Variants in PCGF2 observed in about 807,000 individuals in gnomAD.
PCGF2 encodes the protein polycomb group RING finger protein 2.
PCGF2 carries 8 observed loss-of-function variants against 36.1 expected under a neutral mutation model. That is an observed-to-expected ratio of 0.22 (90% CI 0.13 to 0.40). The LOEUF (loss-of-function observed/expected upper bound fraction) is 0.40. Among genes scored for constraint, PCGF2 ranks in the 10% least tolerant of loss-of-function variants. The pLI, the probability that PCGF2 is intolerant of heterozygous loss-of-function variation, is 1.00. For missense variants in PCGF2, 436 were observed against 475.9 expected (o/e 0.92, Z 0.78); for synonymous variants, 198 against 191.2 (o/e 1.04, Z -0.29).
chr17:38,743,413 C>CCCACAG (rs1326536426), intron 2 of PCGF2, among the ~76,000 whole-genome samples: 2 of 148,072 alleles, frequency 1.4e-5, no homozygotes, highest in African/African-American at 2.5e-5. Context: ...TAAGAAGAAC[C>CCCACAG]CCACAGCCGA....
chr17:38,741,258 G>A lies in PCGF2; in HGVS notation c.-40-816C>T, dbSNP rs531610985. Among the ~76,000 whole-genome samples, 842 of 151,840 alleles carry A rather than the reference G, an allele frequency of 5.5e-3. 3 individuals are homozygous for A. The highest frequency in any genetic ancestry group is 9.9e-3 in the Non-Finnish European group (670 of 67,892). On this transcript the variant is annotated intron_variant, in intron 2 of 10. Coordinates refer to ENST00000620225, the MANE Select transcript of PCGF2 (RefSeq NM_007144.3). ...TGCACTCAAGCCTGGGCGACAGAGC[G>A]AGACTCTGTCTAAAAAAGAAAAACA...
At chr17:38,735,730 G>A in intron 10 of PCGF2, 130 bp from the exon 11 acceptor site, 2 of 1,243,624 alleles carry the variant, frequency 1.6e-6, no homozygotes, top group Non-Finnish European at 2.2e-6. Flanking sequence ...GGGCCTTGGA[G>A]AGGAGAGAGA....
At position 38,739,237 on chromosome 17, in the gene PCGF2, G is replaced by C; in HGVS notation, c.226C>G (p.Gln76Glu). Reference sequence around the variant, plus strand: ...GGGACCAATTTGTAGACAATGTCTTGAAGTGTTTTGTCAGACCTGGGGAAA... The same window carrying C: ...GGGACCAATTTGTAGACAATGTCTTCAAGTGTTTTGTCAGACCTGGGGAAA... The part of the protein sequence containing the change: ...LLSIRSDKTL[Q>E]DIVYKLVPGL... Residue 76 changes from glutamine (Q) to glutamate (E), a missense_variant, in exon 5 of 11, where the codon CAA becomes GAA. Physicochemically the swap from Gln to Glu is conservative, Grantham distance 29. Transcript: ENST00000620225. The surrounding 1 kb of genome is among the most constrained non-coding windows in gnomAD (Gnocchi z 4.0). The C allele has an allele frequency of 7.4e-6, 12 of 1,613,994 alleles. No individual in the cohort carries two copies. The highest frequency in any genetic ancestry group is 1.0e-5 in the Non-Finnish European group (12 of 1,179,956).
upstream of PCGF2, chr17:38,749,611 C>A: frequency 2.2e-6 from 1 of 455,696 alleles, no homozygotes; most frequent in Non-Finnish European, 4.4e-6. This position sits in a 1 kb window ranked among gnomAD's most constrained non-coding sequence, Gnocchi z 6.5. Context: ...CGCCATTAAG[C>A]GCACTGACGG....
In PCGF2 at chr17:38,740,290, C is replaced by G; in HGVS notation, c.112+1G>C. On this transcript the variant is annotated splice_donor_variant, in intron 3 of 10. Transcript: ENST00000620225. LOFTEE classifies it high-confidence loss of function. ...GAGCAGCTCCCCTCCCCCCAACTCA[C>G]AGGAATGCAGGCACTCCACGATAGT... is the stretch of plus-strand genomic sequence containing the variant. 6.2e-7 allele frequency: 1 copy of G among 1,612,124 alleles called. No homozygotes were observed. Among genetic ancestry groups the G allele is most frequent in the Non-Finnish European group, 8.5e-7 (1 of 1,178,202 alleles).
chr17:38,738,873 A>G lies in PCGF2; in HGVS notation c.317-12T>C, dbSNP rs1025660565. 5 of 1,610,320 alleles carry G rather than the reference A, an allele frequency of 3.1e-6. No individual in the cohort carries two copies. The East Asian group carries it at 1.1e-4, about 36-fold the overall frequency. On this transcript the variant is annotated splice_polypyrimidine_tract_variant and intron_variant, in intron 6 of 10. Coordinates refer to ENST00000620225, the MANE Select transcript of PCGF2 (RefSeq NM_007144.3). ...GGAGCCGTTGGGGACTGCAGAAGGA[A>G]AGAGCTCTCGGGTTGGCGGAGGATG...
At position 38,738,852 on chromosome 17, in the gene PCGF2, C is replaced by A. The variant is rs771238828; in HGVS notation, c.326G>T (p.Gly109Val). 7 of 1,613,358 alleles carry A rather than the reference C, an allele frequency of 4.3e-6. No homozygotes were observed. Among genetic ancestry groups the A allele is most frequent in the Non-Finnish European group, 5.9e-6 (7 of 1,179,546 alleles). The change falls in exon 7 of 11, where the codon GGC (glycine) becomes GTC (valine). Residue 109 changes from glycine to valine, a missense_variant. Around this residue, in one of 3 missense-constraint regions of PCGF2, gnomAD observed 189 missense variants for 219.3 expected, o/e 0.86. Transcript: ENST00000620225. ...AAYPLTEVPN[G>V]SNEDRGEVLE... ...GACCTCGCCGCGGTCCTCATTGGAG[C>A]CGTTGGGGACTGCAGAAGGAAAGAG... is the stretch of plus-strand genomic sequence containing the variant.
At chr17:38,747,064 G>A (rs542667571) in intron 2 of PCGF2, among the ~76,000 whole-genome samples, 1 of 152,128 alleles carries the variant, frequency 6.6e-6, no homozygotes, top group South Asian at 2.1e-4. Context: ...CAGCATGGGG[G>A]ACACTGAGGG....
rs200693873 is a variant in PCGF2 at position 38,740,288 on chromosome 17, C to T, written c.112+3G>A. The T allele has an allele frequency of 2.0e-5, 33 of 1,612,228 alleles. No homozygotes were observed. The highest frequency in any genetic ancestry group is 1.6e-4 in the Middle Eastern group (1 of 6,082). Reference sequence around the variant, plus strand: ...CTGAGCAGCTCCCCTCCCCCCAACTCACAGGAATGCAGGCACTCCACGATA... The same window carrying T: ...CTGAGCAGCTCCCCTCCCCCCAACTTACAGGAATGCAGGCACTCCACGATA... On this transcript the variant is annotated splice_donor_region_variant and intron_variant, in intron 3 of 10. Transcript: ENST00000620225.
chr17:38,744,509 C>T (rs1907419789), intron 2 of PCGF2, among the ~76,000 whole-genome samples: 1 of 152,194 alleles, frequency 6.6e-6, no homozygotes, highest in South Asian at 2.1e-4. Flanking sequence ...GCGTGTGCCA[C>T]CACACCTGGC....
intron 2 of PCGF2, among the ~76,000 whole-genome samples, chr17:38,746,975 G>C (rs369667244): frequency 6.6e-6 from 1 of 152,162 alleles, no homozygotes; most frequent in Non-Finnish European, 1.5e-5. Context: ...TCCCAGAGGA[G>C]GAGGCATCAG....
Position 38,736,110 on chromosome 17 carries a change from A to G in PCGF2, c.637T>C (p.Tyr213His). The G allele has an allele frequency of 1.3e-6, 2 of 1,582,972 alleles. No individual in the cohort carries two copies. The highest frequency in any genetic ancestry group is 8.6e-7 in the Non-Finnish European group (1 of 1,163,978). Residue 213 changes from tyrosine (Y) to histidine (H), a missense_variant, in exon 10 of 11, where the codon TAC becomes CAC. Around this residue, in one of 3 missense-constraint regions of PCGF2, gnomAD observed 227 missense variants for 212.9 expected, o/e 1.07. Transcript: ENST00000620225. ...CTCACCCGCCGCCAGGGGTAGATGTAGGCGATGTCCATGAGGGTGTAGTAT... is the reference window on the plus strand; with the variant it reads ...CTCACCCGCCGCCAGGGGTAGATGTGGGCGATGTCCATGAGGGTGTAGTAT... ...KEYYTLMDIAYIYPWRRNGPL... is the reference protein window; with the variant it reads ...KEYYTLMDIAHIYPWRRNGPL...
intron 9 of PCGF2, 129 bp from the exon 10 acceptor site, chr17:38,736,299 T>C (rs1432307823): frequency 7.4e-6 from 5 of 677,146 alleles, no homozygotes; most frequent in Non-Finnish European, 8.1e-6. Flanking sequence ...TCTCTGGGAT[T>C]TCACTGTGGA....
At chr17:38,746,709 C>G (rs1907555942) in intron 2 of PCGF2, 1 of 152,440 alleles carries the variant, frequency 6.6e-6, no homozygotes, top group Non-Finnish European at 1.5e-5. Context: ...TCCTGCCCAA[C>G]CCCCAAGACT....
intron 7 of PCGF2, 69 bp from the exon 8 acceptor site, chr17:38,738,664 T>C (rs1906955823): frequency 6.4e-7 from 1 of 1,557,274 alleles, no homozygotes; most frequent in Non-Finnish European, 8.8e-7. Flanking sequence ...GGATGATCCC[T>C]CAATGGACAC....
At chr17:38,742,141 G>A (rs1217308286) in intron 2 of PCGF2, among the ~76,000 whole-genome samples, 3 of 152,158 alleles carry the variant, frequency 2.0e-5, no homozygotes, top group Non-Finnish European at 2.9e-5. Flanking sequence ...ATTGGCCACC[G>A]TGCTTCCTTC....
upstream of PCGF2, among the ~76,000 whole-genome samples, chr17:38,749,002 G>A (rs1448713648): frequency 6.6e-6 from 1 of 152,178 alleles, no homozygotes; most frequent in Non-Finnish European, 1.5e-5. This position sits in a 1 kb window ranked among gnomAD's most constrained non-coding sequence, Gnocchi z 6.5. Flanking sequence ...GGGAGTGGAG[G>A]TGCGGGGTGA....
At chr17:38,738,317 A>G (rs565022909) in intron 9 of PCGF2, 36 bp downstream of exon 9, 1 of 1,525,114 alleles carries the variant, frequency 6.6e-7, no homozygotes, top group South Asian at 1.1e-5. Flanking sequence ...ACACCCATAC[A>G]CAGACACTCA....
At chr17:38,738,987 C>T in intron 6 of PCGF2, 81 bp downstream of exon 6, 1 of 1,564,714 alleles carries the variant, frequency 6.4e-7, no homozygotes, top group Non-Finnish European at 8.8e-7. Context: ...CGGAGGAGGT[C>T]AGAGGGTGAG....
Sources: gnomAD v4.1 joint callset for allele counts (sites outside exome capture counted in the v4.1 genomes callset) on GRCh38, gnomAD v4.1.1 for gene constraint, gnomAD v4.1.1 regional missense constraint, Gnocchi (gnomAD v3.1) non-coding constraint, MANE v1.5 for transcripts, NCBI Gene and HGNC (gene_info 2026-07-23, HGNC 2026-07-21) for gene names.